The following ATP11A variants were observed in gnomAD, a reference collection of about 807,000 sequenced individuals.
ATP11A encodes ATPase phospholipid transporting 11A, also known as phospholipid-transporting ATPase IH.
ATP11A carries 81 observed loss-of-function variants against 154.4 expected under a neutral mutation model. The observed-to-expected ratio is 0.52, with a 90% CI of 0.44 to 0.63. ATP11A has a LOEUF of 0.63. Among genes scored for constraint, ATP11A ranks in the 30% least tolerant of loss-of-function variants. ATP11A has a pLI of 0.00. For missense variants in ATP11A, 1,316 were observed against 1,474.3 expected (o/e 0.89, Z 1.76); for synonymous variants, 623 against 585.9 (o/e 1.06, Z -0.91).
chr13:112,847,454 G>T (rs996147298), intron 17 of ATP11A, among the ~76,000 whole-genome samples: 6 of 152,152 alleles, frequency 3.9e-5, no homozygotes, highest in African/African-American at 1.4e-4. Flanking sequence ...TAAAGTGAGG[G>T]TCCTACTTTA....
chr13:112,731,941 G>GA (rs939356365), intron 1 of ATP11A, among the ~76,000 whole-genome samples: 2 of 145,446 alleles, frequency 1.4e-5, no homozygotes, highest in African/African-American at 2.6e-5. Context: ...TGGGGGCGGG[G>GA]GGGGGCAGGT....
At chr13:112,804,741 C>T (rs767416120) in intron 2 of ATP11A, among the ~76,000 whole-genome samples, 2 of 152,032 alleles carry the variant, frequency 1.3e-5, no homozygotes, top group Non-Finnish European at 2.9e-5. Flanking sequence ...CTTGAATTCT[C>T]TGGAGTTAGG....
At chr13:112,727,039 T>C (rs1889961245) in intron 1 of ATP11A, among the ~76,000 whole-genome samples, 1 of 152,234 alleles carries the variant, frequency 6.6e-6, no homozygotes, top group Non-Finnish European at 1.5e-5. Flanking sequence ...ATCTGAACGC[T>C]GCTGCTGCTG....
intron 13 of ATP11A, among the ~76,000 whole-genome samples, chr13:112,831,849 TCACA>T (rs780394953): frequency 2.5e-4 from 37 of 146,532 alleles, no homozygotes; most frequent in Admixed American, 4.7e-4. Context: ...ACACATGCAC[TCACA>T]CACGCCCAGA....
intron 17 of ATP11A, among the ~76,000 whole-genome samples, chr13:112,843,577 GC>G (rs2079489758): frequency 6.6e-6 from 1 of 152,208 alleles, no homozygotes; most frequent in Admixed American, 6.5e-5. Context: ...TCCAAGGCTG[GC>G]TCTGCACCAA....
chr13:112,828,209 G>T (rs1168562386), intron 12 of ATP11A, among the ~76,000 whole-genome samples: 1 of 147,312 alleles, frequency 6.8e-6, no homozygotes, highest in Non-Finnish European at 1.5e-5. Flanking sequence ...GGGGGAAAGC[G>T]CCCAGCAGTG....
At chr13:112,725,563 C>T (rs1000130936) in intron 1 of ATP11A, among the ~76,000 whole-genome samples, 1 of 152,218 alleles carries the variant, frequency 6.6e-6, no homozygotes, top group African/African-American at 2.4e-5. Flanking sequence ...AGTGTGTGCT[C>T]TATGTGCTTA....
At chr13:112,797,597 C>G (rs973426835) in intron 2 of ATP11A, among the ~76,000 whole-genome samples, 1 of 152,082 alleles carries the variant, frequency 6.6e-6, no homozygotes, top group Non-Finnish European at 1.5e-5. Context: ...CAGAAACCAT[C>G]TAAGGAAGAA....
At chr13:112,723,885 G>T (rs1474997936) in intron 1 of ATP11A, among the ~76,000 whole-genome samples, 1 of 152,148 alleles carries the variant, frequency 6.6e-6, no homozygotes, top group African/African-American at 2.4e-5. Context: ...AAACCCGGAG[G>T]CCCTCAGGGC....
At chr13:112,770,387 C>T (rs1291025817) in intron 1 of ATP11A, among the ~76,000 whole-genome samples, 1 of 152,048 alleles carries the variant, frequency 6.6e-6, no homozygotes, top group Non-Finnish European at 1.5e-5. Flanking sequence ...TTGAAAATAC[C>T]TGAGATTTGT....
chr13:112,852,842 A>G (rs1212748649), intron 18 of ATP11A, among the ~76,000 whole-genome samples: 1 of 150,984 alleles, frequency 6.6e-6, no homozygotes, highest in African/African-American at 2.4e-5. Context: ...TTATTTCCTT[A>G]TAATCTCCAG....
intron 29 of ATP11A, chr13:112,880,497 G>C (rs1253846215): frequency 7.8e-7 from 1 of 1,274,080 alleles, no homozygotes; most frequent in Non-Finnish European, 1.0e-6. Context: ...GAGCACTCCT[G>C]GTGGCCCCGT....
chr13:112,825,399 A>G (rs770415811), intron 10 of ATP11A, 31 bp from the exon 11 acceptor site: 1 of 1,576,866 alleles, frequency 6.3e-7, no homozygotes, highest in South Asian at 1.2e-5. Context: ...TTCCTCAGGG[A>G]CCAGTGATCA....
At chr13:112,853,183 G>A (rs780164744) in intron 18 of ATP11A, among the ~76,000 whole-genome samples, 2 of 152,052 alleles carry the variant, frequency 1.3e-5, no homozygotes, top group African/African-American at 4.8e-5. Context: ...TCATACCACT[G>A]TACCCTAGCC....
chr13:112,781,763 A>T (rs2077504855), intron 1 of ATP11A, among the ~76,000 whole-genome samples: 1 of 147,810 alleles, frequency 6.8e-6, no homozygotes. Context: ...TTGCTTTCTT[A>T]ATAAACTTGC....
intron 25 of ATP11A, among the ~76,000 whole-genome samples, chr13:112,869,184 A>G (rs1352840288): frequency 2.6e-5 from 4 of 152,242 alleles, no homozygotes; most frequent in Non-Finnish European, 5.9e-5. Context: ...GTTTCAGGAT[A>G]GCTCCACAGT....
At chr13:112,747,886 G>A (rs1473544139) in intron 1 of ATP11A, among the ~76,000 whole-genome samples, 2 of 151,824 alleles carry the variant, frequency 1.3e-5, no homozygotes, top group African/African-American at 4.8e-5. Flanking sequence ...TATGCAGAAA[G>A]AAAGGGTAAG....
chr13:112,842,265 T>C lies in ATP11A; in HGVS notation c.1706-11T>C. ...ATTGTGATTAAACTCCTCATTTTTCTCATTTTGTAGGAGAAATTTATCTGT... is the reference window on the plus strand; with the variant it reads ...ATTGTGATTAAACTCCTCATTTTTCCCATTTTGTAGGAGAAATTTATCTGT... On this transcript the variant is annotated splice_polypyrimidine_tract_variant and intron_variant, in intron 16 of 29. Transcript: ENST00000375645. 1.3e-6 allele frequency: 2 copies of C among 1,593,524 alleles called. No individual in the cohort carries two copies. The highest frequency in any genetic ancestry group is 1.7e-6 in the Non-Finnish European group (2 of 1,166,156).
intron 1 of ATP11A, among the ~76,000 whole-genome samples, chr13:112,763,749 C>T (rs566563905): frequency 2.8e-3 from 426 of 152,292 alleles, no homozygotes; most frequent in Non-Finnish European, 4.1e-3. Context: ...TTCAAGCAGT[C>T]GCCAGTCAGG....
Sources: gnomAD v4.1 joint callset for allele counts (sites outside exome capture counted in the v4.1 genomes callset) on GRCh38, gnomAD v4.1.1 for gene constraint, MANE v1.5 for transcripts, NCBI Gene and HGNC (gene_info 2026-07-23, HGNC 2026-07-21) for gene names.